The following ZNF385B variants were observed in gnomAD, a reference collection of about 807,000 sequenced individuals.
ZNF385B encodes the protein zinc finger protein 385B.
A neutral mutation model predicts 39.2 loss-of-function variants in ZNF385B; 23 were observed. That is an observed-to-expected ratio of 0.59 (90% confidence interval 0.42 to 0.83). The LOEUF is 0.83. Ranked by LOEUF, ZNF385B falls within the 40% of genes least tolerant of loss-of-function variation. ZNF385B has a pLI of 0.00. For synonymous variants in ZNF385B, 205 were observed against 222.6 expected, an observed-to-expected ratio of 0.92 and a Z score of 0.70; for missense variants, 552 against 598.9, an observed-to-expected ratio of 0.92 and a Z score of 0.82.
intron 5 of ZNF385B, among the ~76,000 whole-genome samples, chr2:179,486,993 C>T (rs75248172): frequency 6.6e-6 from 1 of 152,178 alleles, no homozygotes; most frequent in Non-Finnish European, 1.5e-5. Flanking sequence ...TATCATAAGA[C>T]CTGCTAAAAA....
intron 1 of ZNF385B, among the ~76,000 whole-genome samples, chr2:179,771,537 A>G (rs1398614298): frequency 1.3e-5 from 2 of 152,190 alleles, no homozygotes; most frequent in Non-Finnish European, 2.9e-5. Context: ...AATCTGCTCA[A>G]ACTATGCAGA....
At chr2:179,816,133 C>A (rs1196744985) in intron 1 of ZNF385B, among the ~76,000 whole-genome samples, 1 of 152,152 alleles carries the variant, frequency 6.6e-6, no homozygotes, top group Non-Finnish European at 1.5e-5. Context: ...TACTCCTCAT[C>A]CCCAAATTAC....
intron 3 of ZNF385B, among the ~76,000 whole-genome samples, chr2:179,695,745 A>G (rs1698688062): frequency 6.6e-6 from 1 of 152,212 alleles, no homozygotes; most frequent in South Asian, 2.1e-4. Flanking sequence ...TACTACTGTG[A>G]ATGCAAAATG....
At chr2:179,523,675 C>T (rs111808607) in intron 4 of ZNF385B, among the ~76,000 whole-genome samples, 1,573 of 152,232 alleles carry the variant, frequency 0.01, 30 homozygotes, top group African/African-American at 0.036. Flanking sequence ...GAGTTCTATT[C>T]TTATAAGAGT....
intron 3 of ZNF385B, among the ~76,000 whole-genome samples, chr2:179,746,247 G>T (rs1428608781): frequency 6.6e-6 from 1 of 152,102 alleles, no homozygotes; most frequent in African/African-American, 2.4e-5. Context: ...AAATAGCTCT[G>T]GCTTTTCAAC....
chr2:179,718,839 A>C (rs1288056417), intron 3 of ZNF385B, among the ~76,000 whole-genome samples: 1 of 151,432 alleles, frequency 6.6e-6, no homozygotes, highest in Non-Finnish European at 1.5e-5. Flanking sequence ...TAAAAAAAAA[A>C]AACCCAAAAG....
intron 3 of ZNF385B, among the ~76,000 whole-genome samples, chr2:179,726,878 AAC>A (rs1480489873): frequency 6.6e-6 from 1 of 152,116 alleles, no homozygotes; most frequent in East Asian, 1.9e-4. Flanking sequence ...CATGAGATAA[AAC>A]ACAGAGATGT....
chr2:179,801,478 A>C (rs1042776807), intron 1 of ZNF385B, among the ~76,000 whole-genome samples: 12 of 152,138 alleles, frequency 7.9e-5, no homozygotes, highest in African/African-American at 2.9e-4. Context: ...CATCCTCCCA[A>C]GACAAAGTTC....
chr2:179,466,915 CA>C (rs777679885), intron 6 of ZNF385B, among the ~76,000 whole-genome samples: 1,459 of 26,664 alleles, frequency 0.055, 2 homozygotes, highest in African/African-American at 0.15. Context: ...GCAAGACTGT[CA>C]AAAAAAAAAA....
intron 3 of ZNF385B, among the ~76,000 whole-genome samples, chr2:179,592,620 T>C (rs961627702): frequency 2.6e-5 from 4 of 151,020 alleles, no homozygotes; most frequent in Non-Finnish European, 5.9e-5. Context: ...TTGGACACTA[T>C]TTTTTTTTAC....
rs867221439 is a variant in ZNF385B at position 179,778,545 on chromosome 2, T to C, written c.-154-7873A>G. 1.7e-4 allele frequency among the ~76,000 whole-genome samples: 26 copies of C among 152,318 alleles called. No homozygotes were observed. In the Middle Eastern group the frequency reaches 0.017, roughly 100 times the overall value. On this transcript the variant is annotated intron_variant, in intron 1 of 9. Transcript: ENST00000410066. ...CCCATCCATCAAAGAAGTAATATTT[T>C]CAGTTCTTTGAATTCTCATGTCATC...
intron 3 of ZNF385B, among the ~76,000 whole-genome samples, chr2:179,692,159 A>AC (rs1698406326): frequency 6.6e-6 from 1 of 151,656 alleles, no homozygotes; most frequent in Non-Finnish European, 1.5e-5. Context: ...TTACCCCTCT[A>AC]CCCCTGGCCT....
At chr2:179,456,813 A>G (rs772372406) in intron 6 of ZNF385B, among the ~76,000 whole-genome samples, 3 of 152,208 alleles carry the variant, frequency 2.0e-5, no homozygotes, top group African/African-American at 4.8e-5. Context: ...TAGACCAAGC[A>G]CTATTTTAAG....
chr2:179,686,409 T>A (rs1401964561), intron 3 of ZNF385B, among the ~76,000 whole-genome samples: 2 of 152,108 alleles, frequency 1.3e-5, no homozygotes, highest in African/African-American at 4.8e-5. Context: ...TTCAATAAAA[T>A]TGACATTGAA....
chr2:179,802,302 C>T (rs1022112604), intron 1 of ZNF385B, among the ~76,000 whole-genome samples: 1 of 152,060 alleles, frequency 6.6e-6, no homozygotes, highest in African/African-American at 2.4e-5. Flanking sequence ...TTTAAATCAT[C>T]CATTTAAAAT....
chr2:179,821,708 T>C (rs1443128599), intron 1 of ZNF385B, among the ~76,000 whole-genome samples: 1 of 152,062 alleles, frequency 6.6e-6, no homozygotes, highest in Non-Finnish European at 1.5e-5. Flanking sequence ...TCTTAGTATA[T>C]GTCAGATAAA....
chr2:179,493,463 A>T (rs186974004), intron 5 of ZNF385B, among the ~76,000 whole-genome samples: 1 of 147,114 alleles, frequency 6.8e-6, no homozygotes, highest in East Asian at 2.0e-4. Context: ...ATGTGTGTAC[A>T]TATATGCATG....
At chr2:179,798,608 G>C (rs1047266292) in intron 1 of ZNF385B, among the ~76,000 whole-genome samples, 1 of 151,984 alleles carries the variant, frequency 6.6e-6, no homozygotes, top group Non-Finnish European at 1.5e-5. Context: ...CACAATACTA[G>C]TGTCAGGATC....
At chr2:179,461,158 G>GT (rs1317419181) in intron 6 of ZNF385B, among the ~76,000 whole-genome samples, 1 of 152,224 alleles carries the variant, frequency 6.6e-6, no homozygotes, top group Non-Finnish European at 1.5e-5. Context: ...AGGTGGAGGA[G>GT]TTGGAGGCAC....
Sources: allele counts gnomAD v4.1 joint callset (sites outside exome capture counted in the v4.1 genomes callset), GRCh38; gene constraint gnomAD v4.1.1; transcripts MANE v1.5; gene names NCBI Gene and HGNC (gene_info 2026-07-23, HGNC 2026-07-21).